The following PCLO variants were observed in gnomAD, a reference collection of about 807,000 sequenced individuals.
PCLO encodes the protein protein piccolo.
PCLO carries 82 observed loss-of-function variants against 427.5 expected under a neutral mutation model. The ratio of observed to expected loss-of-function variants is 0.19; its 90% CI spans 0.16 to 0.23. The LOEUF is 0.23. Among genes scored for constraint, PCLO ranks in the 10% least tolerant of loss-of-function variants. PCLO has a pLI of 1.00. For synonymous variants in PCLO, 2,357 were observed against 2,155.4 expected (o/e 1.09, Z -2.59); for missense variants, 6,239 against 6,115.9 (o/e 1.02, Z -0.67).
chr7:82,781,059 C>T (rs1279596205), intron 22 of PCLO, among the ~76,000 whole-genome samples: 1 of 150,944 alleles, frequency 6.6e-6, no homozygotes, highest in Admixed American at 6.6e-5. Context: ...AATCAAAACA[C>T]TAATAAATAT....
At chr7:83,010,089 G>A (rs1243368411) in intron 3 of PCLO, among the ~76,000 whole-genome samples, 1 of 151,782 alleles carries the variant, frequency 6.6e-6, no homozygotes, top group African/African-American at 2.4e-5. Flanking sequence ...ACATAGAATT[G>A]TCATGAGGAT....
chr7:83,136,046 C>T (rs1318654297), intron 2 of PCLO, among the ~76,000 whole-genome samples: 3 of 151,510 alleles, frequency 2.0e-5, no homozygotes, highest in Admixed American at 6.6e-5. Context: ...TGCAGTGAGC[C>T]GAGATCGCGC....
At chr7:82,805,358 T>C (rs1791436106) in intron 21 of PCLO, among the ~76,000 whole-genome samples, 1 of 152,212 alleles carries the variant, frequency 6.6e-6, no homozygotes, top group Admixed American at 6.5e-5. Flanking sequence ...ATACCAGTAA[T>C]GTTTGTATTT....
intron 22 of PCLO, among the ~76,000 whole-genome samples, chr7:82,796,363 A>T (rs10235074): frequency 0.36 from 54,692 of 151,850 alleles, 10,436 homozygotes; most frequent in African/African-American, 0.46. Flanking sequence ...AAATAGGAGG[A>T]GGCTTTCCCC....
chr7:83,001,730 T>C (rs1301827407), intron 3 of PCLO, among the ~76,000 whole-genome samples: 1 of 152,054 alleles, frequency 6.6e-6, no homozygotes, highest in Non-Finnish European at 1.5e-5. Flanking sequence ...TGCCTCATGG[T>C]GCTGATTTAT....
intron 3 of PCLO, among the ~76,000 whole-genome samples, chr7:82,974,998 C>T (rs976010240): frequency 3.9e-5 from 6 of 152,148 alleles, no homozygotes; most frequent in African/African-American, 1.4e-4. Flanking sequence ...AGGATTGTCT[C>T]GATCTCCTGA....
chr7:82,928,145 A>G (rs1292730798), intron 6 of PCLO, among the ~76,000 whole-genome samples: 1 of 152,194 alleles, frequency 6.6e-6, no homozygotes, highest in Non-Finnish European at 1.5e-5. Flanking sequence ...GAATCGCATT[A>G]TTGAATAATA....
At chr7:82,843,023 T>A (rs1053328576) in intron 13 of PCLO, among the ~76,000 whole-genome samples, 1 of 151,992 alleles carries the variant, frequency 6.6e-6, no homozygotes, top group Non-Finnish European at 1.5e-5. Context: ...AAAATAGAGC[T>A]ACCATATGAT....
chr7:82,773,242 T>C (rs1790682109), intron 22 of PCLO, among the ~76,000 whole-genome samples: 1 of 152,128 alleles, frequency 6.6e-6, no homozygotes, highest in Non-Finnish European at 1.5e-5. Context: ...AGAAAAAGTA[T>C]AATGTAAGAA....
At position 82,754,695 on chromosome 7, in the gene PCLO, A is replaced by G. The variant is rs1318393803; in HGVS notation, c.*3880T>C. ...CCTTTAATAATAGAACATGAAACATACAGAAAACAGCATTGTATCATATTC... is the reference window on the plus strand; with the variant it reads ...CCTTTAATAATAGAACATGAAACATGCAGAAAACAGCATTGTATCATATTC... On this transcript the variant is annotated 3_prime_UTR_variant, in exon 25 of 25. Coordinates refer to ENST00000333891, the MANE Select transcript of PCLO (RefSeq NM_033026.6). 1 of 152,120 alleles carries G rather than the reference A, an allele frequency of 6.6e-6. No homozygotes were observed. The highest frequency in any genetic ancestry group is 1.5e-5 in the Non-Finnish European group (1 of 67,974). 9.4% of individuals were successfully genotyped at this position (152,120 alleles called of 1,614,324 possible).
intron 10 of PCLO, chr7:82,868,257 T>C (rs141436298): frequency 7.1e-4 from 324 of 456,296 alleles, no homozygotes; most frequent in African/African-American, 6.0e-3. Flanking sequence ...GGAGCATTCT[T>C]CCTTATGTTA....
intron 21 of PCLO, among the ~76,000 whole-genome samples, chr7:82,804,811 C>T (rs932401298): frequency 1.8e-4 from 27 of 152,098 alleles, no homozygotes; most frequent in African/African-American, 5.8e-4. Context: ...CCTACACTTT[C>T]GAAAATGGAA....
intron 1 of PCLO, among the ~76,000 whole-genome samples, chr7:83,157,403 TC>T (rs1221955962): frequency 1.3e-5 from 2 of 152,234 alleles, no homozygotes; most frequent in Non-Finnish European, 1.5e-5. Flanking sequence ...TGCTACACTA[TC>T]TCTTAATGCC....
intron 3 of PCLO, among the ~76,000 whole-genome samples, chr7:83,113,728 T>C (rs1791062300): frequency 6.6e-6 from 1 of 152,082 alleles, no homozygotes; most frequent in African/African-American, 2.4e-5. Context: ...AAGGGTAATT[T>C]TGTAAAAACA....
intron 3 of PCLO, among the ~76,000 whole-genome samples, chr7:83,011,307 CA>C (rs149109342): frequency 1.4e-4 from 21 of 151,574 alleles, no homozygotes; most frequent in East Asian, 1.4e-3. Flanking sequence ...ATATTTTTTT[CA>C]AAAAAACTAT....
At chr7:83,115,236 G>A (rs1452054082) in intron 3 of PCLO, among the ~76,000 whole-genome samples, 2 of 152,030 alleles carry the variant, frequency 1.3e-5, no homozygotes, top group African/African-American at 4.8e-5. Context: ...GGTTCAGGTA[G>A]AGTAATTCTA....
intron 12 of PCLO, among the ~76,000 whole-genome samples, chr7:82,846,090 GTT>G (rs1210772177): frequency 6.6e-6 from 1 of 152,042 alleles, no homozygotes; most frequent in Non-Finnish European, 1.5e-5. Flanking sequence ...TCAAGAAAGA[GTT>G]AAATCTATCT....
chr7:82,984,279 T>C (rs759037088), intron 3 of PCLO, among the ~76,000 whole-genome samples: 3 of 151,046 alleles, frequency 2.0e-5, no homozygotes, highest in Non-Finnish European at 4.4e-5. Flanking sequence ...AGGAACATAT[T>C]TGTTTTAATT....
chr7:82,902,671 G>A lies in PCLO; in HGVS notation c.13508C>T (p.Ser4503Leu). ...TTTACCTGAAACTGTGTGATCCTTT[G>A]AGTCTCTTGTTATTTTTATCCTTGC... ...PHARIKITRD[S>L]KDHTVSGNGL... Residue 4503 changes from serine to leucine, a missense_variant, in exon 9 of 25, where the codon TCA becomes TTA. Ser to Leu is a moderately radical substitution (Grantham distance 145, BLOSUM62 -2). Transcript: ENST00000333891. 6.3e-7 allele frequency: 1 copy of A among 1,589,550 alleles called. No individual in the cohort carries two copies.
Sources: allele counts gnomAD v4.1 joint callset (sites outside exome capture counted in the v4.1 genomes callset), GRCh38; gene constraint gnomAD v4.1.1; transcripts MANE v1.5; gene names NCBI Gene and HGNC (gene_info 2026-07-23, HGNC 2026-07-21).